The following GALNT18 variants were observed in gnomAD, a reference collection of about 807,000 sequenced individuals.
The protein encoded by GALNT18 is polypeptide N-acetylgalactosaminyltransferase 18.
GALNT18 carries 44 observed loss-of-function variants against 69.5 expected under a neutral mutation model. The ratio of observed to expected loss-of-function variants is 0.63; its 90% CI spans 0.50 to 0.81. The LOEUF is 0.81. Ranked by LOEUF, GALNT18 falls within the 40% of genes least tolerant of loss-of-function variation. The probability of loss-of-function intolerance (pLI) is 0.00; values close to 1 mark genes in which losing one functional copy is unlikely to be tolerated. For missense variants in GALNT18, 715 were observed against 810.0 expected, an observed-to-expected ratio of 0.88 and a Z score of 1.42; for synonymous variants, 364 against 318.2, an observed-to-expected ratio of 1.14 and a Z score of -1.53.
intron 3 of GALNT18, among the ~76,000 whole-genome samples, chr11:11,417,142 C>A (rs1854885462): frequency 6.6e-6 from 1 of 152,230 alleles, no homozygotes; most frequent in African/African-American, 2.4e-5. Flanking sequence ...AACCCAGGGA[C>A]AGAATCCACA....
At chr11:11,290,415 G>A (rs1000966221) in intron 10 of GALNT18, among the ~76,000 whole-genome samples, 1 of 152,098 alleles carries the variant, frequency 6.6e-6, no homozygotes, top group East Asian at 1.9e-4. Flanking sequence ...CATGACCTGG[G>A]GTTACATATC....
At chr11:11,597,096 A>G (rs977559684) in intron 1 of GALNT18, among the ~76,000 whole-genome samples, 3 of 152,192 alleles carry the variant, frequency 2.0e-5, no homozygotes, top group African/African-American at 7.2e-5. Context: ...TATGTGTAAC[A>G]CTAATTTTTA....
chr11:11,327,017 T>G (rs1849933110), intron 9 of GALNT18, 69 bp downstream of exon 9: 1 of 1,149,398 alleles, frequency 8.7e-7, no homozygotes, highest in Non-Finnish European at 1.3e-6. Flanking sequence ...TGACAGAGCC[T>G]AGCTCTCCTT....
intron 1 of GALNT18, among the ~76,000 whole-genome samples, chr11:11,576,089 A>G (rs1311751023): frequency 1.3e-5 from 2 of 152,164 alleles, no homozygotes; most frequent in African/African-American, 2.4e-5. Context: ...CCACTGGGCT[A>G]CCTATTGTAC....
At chr11:11,328,308 T>A (rs1274937332) in intron 8 of GALNT18, among the ~76,000 whole-genome samples, 1 of 152,160 alleles carries the variant, frequency 6.6e-6, no homozygotes, top group African/African-American at 2.4e-5. Flanking sequence ...CTGGCTTGAC[T>A]AGGTTCTCTC....
chr11:11,456,147 G>C (rs16909680), intron 1 of GALNT18, among the ~76,000 whole-genome samples: 3,845 of 152,226 alleles, frequency 0.025, 153 homozygotes, highest in African/African-American at 0.088. Flanking sequence ...CTGATCTTGG[G>C]TGTCTAAAAG....
At chr11:11,289,776 A>T (rs1849264916) in intron 10 of GALNT18, among the ~76,000 whole-genome samples, 1 of 152,166 alleles carries the variant, frequency 6.6e-6, no homozygotes, top group African/African-American at 2.4e-5. Context: ...TTGGATGTCA[A>T]AGCAGCCTGG....
At chr11:11,312,385 A>G (rs1256071069) in intron 9 of GALNT18, among the ~76,000 whole-genome samples, 2 of 152,364 alleles carry the variant, frequency 1.3e-5, no homozygotes, top group South Asian at 2.1e-4. Flanking sequence ...ACAATAAAGT[A>G]AGCTAGAGAA....
chr11:11,334,222 CATCAGACA>C (rs1850069736), intron 7 of GALNT18, among the ~76,000 whole-genome samples: 1 of 152,118 alleles, frequency 6.6e-6, no homozygotes, highest in African/African-American at 2.4e-5. Context: ...AAATTTTTGA[CATCAGACA>C]ATGTGGGCTT....
At chr11:11,495,715 C>A (rs892169230) in intron 1 of GALNT18, among the ~76,000 whole-genome samples, 2 of 152,170 alleles carry the variant, frequency 1.3e-5, no homozygotes, top group African/African-American at 2.4e-5. Context: ...GAAGACCCAC[C>A]AGGAACAAGC....
At chr11:11,473,081 T>A (rs1302816946) in intron 1 of GALNT18, among the ~76,000 whole-genome samples, 2 of 152,188 alleles carry the variant, frequency 1.3e-5, no homozygotes, top group Non-Finnish European at 2.9e-5. Flanking sequence ...CTATCCCACT[T>A]ACTGCTCTTA....
intron 1 of GALNT18, among the ~76,000 whole-genome samples, chr11:11,457,158 G>A (rs577552123): frequency 2.6e-5 from 4 of 152,346 alleles, no homozygotes; most frequent in Non-Finnish European, 5.9e-5. Flanking sequence ...TCCACACAAA[G>A]CACTGGCCCC....
intron 1 of GALNT18, among the ~76,000 whole-genome samples, chr11:11,554,662 G>C (rs1405232429): frequency 1.3e-5 from 2 of 152,100 alleles, no homozygotes; most frequent in Admixed American, 6.5e-5. Flanking sequence ...CCATTCCCCA[G>C]AGCCTGGAAT....
intron 1 of GALNT18, among the ~76,000 whole-genome samples, chr11:11,489,043 A>G (rs1003628846): frequency 1.3e-4 from 20 of 152,380 alleles, no homozygotes; most frequent in African/African-American, 4.8e-4. Flanking sequence ...ACTGCTGTGG[A>G]GTATGATCCA....
Position 11,377,941 on chromosome 11 carries a change from T to C in GALNT18, c.780-562A>G, listed in dbSNP as rs1285477737. Among the ~76,000 whole-genome samples the C allele has an allele frequency of 6.6e-6, 1 of 152,200 alleles. No individual in the cohort carries two copies. The highest frequency in any genetic ancestry group is 1.5e-5 in the Non-Finnish European group (1 of 68,042). ...AAGGAGGGGTGGGGCATTTGGGCTT[T>C]CCCAGGGAGCTGGGAGACCCTTGAA... On this transcript the variant is annotated intron_variant, in intron 4 of 10. Coordinates refer to ENST00000227756, the MANE Select transcript of GALNT18 (RefSeq NM_198516.3). This position sits in a 1 kb window ranked among gnomAD's most constrained non-coding sequence, Gnocchi z 4.6.
intron 9 of GALNT18, among the ~76,000 whole-genome samples, chr11:11,301,877 C>T (rs887192480): frequency 6.6e-6 from 1 of 152,186 alleles, no homozygotes; most frequent in Non-Finnish European, 1.5e-5. Context: ...GTAGAATATA[C>T]TCATGGCCAG....
chr11:11,410,707 G>A (rs1819416113), intron 3 of GALNT18, among the ~76,000 whole-genome samples: 1 of 152,146 alleles, frequency 6.6e-6, no homozygotes, highest in South Asian at 2.1e-4. Context: ...CCCTGGGTCT[G>A]GAATTTTAGT....
intron 1 of GALNT18, among the ~76,000 whole-genome samples, chr11:11,599,126 T>G (rs1170626344): frequency 6.6e-6 from 1 of 152,150 alleles, no homozygotes. Flanking sequence ...TATACTTTTG[T>G]TCAAGTCTTC....
rs529094850 is a variant in GALNT18, at chr11:11,289,693, G to A, written c.1677+3336C>T. Among the ~76,000 whole-genome samples the A allele has an allele frequency of 4.6e-5, 7 of 152,300 alleles. No homozygotes were observed. In the East Asian group the frequency reaches 1.4e-3, roughly 29 times the overall value. On this transcript the variant is annotated intron_variant, in intron 10 of 10. Transcript: ENST00000227756. ...GGAGATGAGACTGAGTTACTCCAGT[G>A]GGGACCTCAGAGCGTGGGTGGGAAG...
Sources: gnomAD v4.1 joint callset for allele counts (sites outside exome capture counted in the v4.1 genomes callset) on GRCh38, gnomAD v4.1.1 for gene constraint, Gnocchi (gnomAD v3.1) non-coding constraint, MANE v1.5 for transcripts, NCBI Gene and HGNC (gene_info 2026-07-23, HGNC 2026-07-21) for gene names.